The following LRFN2 variants were observed in gnomAD, a reference collection of about 807,000 sequenced individuals.
LRFN2 encodes leucine-rich repeat and fibronectin type-III domain-containing protein 2.
LRFN2 carries 18 observed loss-of-function variants against 37.3 expected under a neutral mutation model. The observed-to-expected ratio is 0.48, with a 90% CI of 0.33 to 0.72. LRFN2 has a LOEUF of 0.72. Ranked by LOEUF, LRFN2 falls within the 30% of genes least tolerant of loss-of-function variation. The pLI is 0.02. For synonymous variants in LRFN2, 556 were observed against 466.6 expected, an observed-to-expected ratio of 1.19 and a Z score of -2.47; for missense variants, 1,006 against 1,060.7, an observed-to-expected ratio of 0.95 and a Z score of 0.72.
rs147206338 is a variant in LRFN2 at position 40,395,527 on chromosome 6, G to A, written c.1401-2615C>T. On this transcript the variant is annotated intron_variant, in intron 2 of 2. Transcript: ENST00000338305. ...GAGCCCTGTGTGGCCAATGCTGCAG[G>A]GGACACTTGAGTCCTCCAGGGCCTC... Among the ~76,000 whole-genome samples, 527 of 152,306 alleles carry A rather than the reference G, an allele frequency of 3.5e-3. 9 individuals carry two copies. Among genetic ancestry groups the A allele is most frequent in the Admixed American group, 0.03 (458 of 15,308 alleles).
At chr6:40,507,593 G>A (rs539326577) in intron 1 of LRFN2, among the ~76,000 whole-genome samples, 13 of 152,318 alleles carry the variant, frequency 8.5e-5, no homozygotes, top group African/African-American at 2.2e-4. Flanking sequence ...TGGGCAGGCC[G>A]TTGGGACCCT....
chr6:40,580,111 C>T (rs1767369634), intron 1 of LRFN2, among the ~76,000 whole-genome samples: 2 of 152,184 alleles, frequency 1.3e-5, no homozygotes, highest in African/African-American at 4.8e-5. Context: ...AGCTTGATCC[C>T]ATCATGAGAA....
At chr6:40,429,508 G>T (rs1044454182) in intron 2 of LRFN2, among the ~76,000 whole-genome samples, 2 of 151,934 alleles carry the variant, frequency 1.3e-5, no homozygotes, top group Non-Finnish European at 2.9e-5. Context: ...GCAAAGAAAT[G>T]CAAATTAAAG....
intron 1 of LRFN2, among the ~76,000 whole-genome samples, chr6:40,566,538 G>A (rs1767093365): frequency 6.6e-6 from 1 of 151,690 alleles, no homozygotes; most frequent in African/African-American, 2.4e-5. Context: ...TATACACCAT[G>A]GAATACTATG....
intron 2 of LRFN2, among the ~76,000 whole-genome samples, chr6:40,420,048 G>A (rs1763185598): frequency 6.6e-6 from 1 of 152,182 alleles, no homozygotes; most frequent in African/African-American, 2.4e-5. Flanking sequence ...TGCAATCGGA[G>A]TTCATTCGCA....
chr6:40,410,449 A>C (rs1762943335), intron 2 of LRFN2, among the ~76,000 whole-genome samples: 1 of 152,152 alleles, frequency 6.6e-6, no homozygotes. Context: ...CCTGGGCTCA[A>C]ATCCCATCTC....
intron 1 of LRFN2, among the ~76,000 whole-genome samples, chr6:40,490,911 C>T (rs1316093844): frequency 1.3e-5 from 2 of 152,166 alleles, no homozygotes; most frequent in Non-Finnish European, 2.9e-5. Context: ...TTGAGTGATG[C>T]CTCACATCCT....
intron 1 of LRFN2, among the ~76,000 whole-genome samples, chr6:40,514,003 G>A (rs1402595381): frequency 6.6e-6 from 1 of 151,988 alleles, no homozygotes. Flanking sequence ...ATGTCATGAT[G>A]GACCACCATG....
intron 1 of LRFN2, among the ~76,000 whole-genome samples, chr6:40,494,425 G>C (rs1765173028): frequency 6.6e-6 from 1 of 152,118 alleles, no homozygotes; most frequent in South Asian, 2.1e-4. Context: ...TCAAAATGCT[G>C]CCTTTGAAAA....
At chr6:40,510,428 A>G (rs1462729019) in intron 1 of LRFN2, among the ~76,000 whole-genome samples, 2 of 152,216 alleles carry the variant, frequency 1.3e-5, no homozygotes, top group African/African-American at 4.8e-5. Context: ...TTCCTGGTTC[A>G]TGAACCTCAG....
rs146547915 is a variant in LRFN2, at chr6:40,473,777, C to T, written c.-18-40646G>A. On this transcript the variant is annotated intron_variant, in intron 1 of 2. Transcript: ENST00000338305. ...AAGCCTCGGCGTATGATGTTCCTGTCCCTGTATCCATGTGTTCTCATTGTT... is the reference window on the plus strand; with the variant it reads ...AAGCCTCGGCGTATGATGTTCCTGTTCCTGTATCCATGTGTTCTCATTGTT... Among the ~76,000 whole-genome samples, 311 of 152,208 alleles carry T rather than the reference C, an allele frequency of 2.0e-3. 1 individual carries two copies. The highest frequency in any genetic ancestry group is 4.0e-3 in the Non-Finnish European group (270 of 68,010).
At chr6:40,581,832 C>T (rs890342674) in intron 1 of LRFN2, among the ~76,000 whole-genome samples, 9 of 152,180 alleles carry the variant, frequency 5.9e-5, no homozygotes, top group African/African-American at 2.2e-4. Flanking sequence ...TGAGTGGCCA[C>T]ATTTCATATG....
At chr6:40,487,697 G>A (rs1764995728) in intron 1 of LRFN2, among the ~76,000 whole-genome samples, 1 of 152,250 alleles carries the variant, frequency 6.6e-6, no homozygotes, top group Non-Finnish European at 1.5e-5. Context: ...CCAAGGATGG[G>A]ATGGCTAGGA....
At chr6:40,540,861 G>T (rs1561901065) in intron 1 of LRFN2, among the ~76,000 whole-genome samples, 1 of 152,190 alleles carries the variant, frequency 6.6e-6, no homozygotes, top group Non-Finnish European at 1.5e-5. Flanking sequence ...GAAGAGGGCA[G>T]ACTGGCAAAC....
At chr6:40,425,861 T>C (rs1284981706) in intron 2 of LRFN2, among the ~76,000 whole-genome samples, 1 of 152,250 alleles carries the variant, frequency 6.6e-6, no homozygotes, top group Non-Finnish European at 1.5e-5. Context: ...TTATACAGCC[T>C]AATTCAAATC....
chr6:40,551,625 ATG>A (rs961516801), intron 1 of LRFN2, among the ~76,000 whole-genome samples: 28 of 152,328 alleles, frequency 1.8e-4, no homozygotes, highest in Admixed American at 7.2e-4. Context: ...ATTGATAACT[ATG>A]TGTCAAATGA....
At chr6:40,464,707 T>C (rs983728550) in intron 1 of LRFN2, among the ~76,000 whole-genome samples, 1 of 152,166 alleles carries the variant, frequency 6.6e-6, no homozygotes, top group Non-Finnish European at 1.5e-5. Context: ...CACATGTGAC[T>C]CTGCCTTCCG....
chr6:40,487,264 G>A (rs1764982364), intron 1 of LRFN2, among the ~76,000 whole-genome samples: 1 of 152,076 alleles, frequency 6.6e-6, no homozygotes, highest in African/African-American at 2.4e-5. Context: ...TTTCCCTTGG[G>A]GAGGTCATCC....
intron 1 of LRFN2, among the ~76,000 whole-genome samples, chr6:40,514,799 C>T (rs1765813972): frequency 6.6e-6 from 1 of 152,262 alleles, no homozygotes; most frequent in Admixed American, 6.5e-5. Flanking sequence ...CTCCCACCCT[C>T]ATAATACCTA....
Sources: gnomAD v4.1 joint callset for allele counts (sites outside exome capture counted in the v4.1 genomes callset) on GRCh38, gnomAD v4.1.1 for gene constraint, MANE v1.5 for transcripts, NCBI Gene and HGNC (gene_info 2026-07-23, HGNC 2026-07-21) for gene names.